The following PDE4D variants were observed in gnomAD, a reference collection of about 807,000 sequenced individuals.
The protein encoded by PDE4D is phosphodiesterase 4D.
Under a neutral mutation model 87.4 loss-of-function variants are expected in PDE4D, and 24 were observed. The observed-to-expected ratio is 0.27, with a 90% CI of 0.20 to 0.39. The LOEUF (loss-of-function observed/expected upper bound fraction) is 0.39. Ranked by LOEUF, PDE4D falls within the 10% of genes least tolerant of loss-of-function variation. The pLI, the probability that PDE4D is intolerant of heterozygous loss-of-function variation, is 1.00. For missense variants in PDE4D, 714 were observed against 1,041.0 expected (o/e 0.69, Z 4.32); for synonymous variants, 384 against 383.2 (o/e 1.00, Z -0.02).
intron 1 of PDE4D, among the ~76,000 whole-genome samples, chr5:59,455,649 G>T (rs1006563288): frequency 6.6e-6 from 1 of 152,216 alleles, no homozygotes; most frequent in African/African-American, 2.4e-5. Flanking sequence ...CCATCCTCCA[G>T]ATGCCAGAAT....
rs368305811 is a variant in PDE4D, at chr5:60,430,444, C to A, written c.-90+57498G>T. Among the ~76,000 whole-genome samples, 9 of 151,958 alleles carry A rather than the reference C, an allele frequency of 5.9e-5. No homozygotes were observed. The East Asian group carries it at 1.8e-3, about 30-fold the overall frequency. On this transcript the variant is annotated intron_variant, in intron 1 of 16. Transcript: ENST00000502484. Reference sequence around the variant, plus strand: ...GACCCTAGCTTTCCCTTCTGCCTCGCATGCCATTCCCCCAGATATCCTTCT... The same window carrying A: ...GACCCTAGCTTTCCCTTCTGCCTCGAATGCCATTCCCCCAGATATCCTTCT...
At chr5:60,075,363 T>G (rs1346022558) in intron 2 of PDE4D, among the ~76,000 whole-genome samples, 1 of 152,346 alleles carries the variant, frequency 6.6e-6, no homozygotes, top group East Asian at 1.9e-4. Flanking sequence ...TGGTAGAGTT[T>G]CCGCTGAGAG....
intron 1 of PDE4D, among the ~76,000 whole-genome samples, chr5:59,704,454 G>T (rs1580545129): frequency 6.6e-6 from 1 of 152,048 alleles, no homozygotes; most frequent in East Asian, 1.9e-4. Flanking sequence ...CTGTATCAGG[G>T]GACACCTTTG....
At chr5:59,923,815 C>T (rs577785787) in intron 3 of PDE4D, among the ~76,000 whole-genome samples, 23 of 152,304 alleles carry the variant, frequency 1.5e-4, no homozygotes, top group Non-Finnish European at 2.1e-4. Context: ...AACTCTTCAA[C>T]GCCCAGACAC....
At chr5:60,039,608 A>C (rs1477573329) in intron 2 of PDE4D, among the ~76,000 whole-genome samples, 3 of 151,934 alleles carry the variant, frequency 2.0e-5, no homozygotes, top group Admixed American at 6.6e-5. Context: ...AAAAAAATAA[A>C]AAAAATAAAA....
intron 1 of PDE4D, among the ~76,000 whole-genome samples, chr5:59,784,293 T>C (rs908893357): frequency 1.3e-5 from 2 of 151,768 alleles, no homozygotes; most frequent in Non-Finnish European, 2.9e-5. Flanking sequence ...TTTATGGATG[T>C]AAATAAAAGA....
chr5:59,658,214 T>C (rs1342819034), intron 1 of PDE4D, among the ~76,000 whole-genome samples: 1 of 152,146 alleles, frequency 6.6e-6, no homozygotes, highest in Admixed American at 6.5e-5. Context: ...AAAAGCATGA[T>C]AGTGATATTA....
chr5:59,357,473 G>A (rs776078010), intron 1 of PDE4D, among the ~76,000 whole-genome samples: 5 of 151,888 alleles, frequency 3.3e-5, no homozygotes, highest in South Asian at 2.1e-4. Context: ...AAATACCAGC[G>A]CCTCTCTAAA....
intron 1 of PDE4D, among the ~76,000 whole-genome samples, chr5:59,559,677 TA>T (rs1819610287): frequency 6.6e-6 from 1 of 152,128 alleles, no homozygotes; most frequent in Non-Finnish European, 1.5e-5. Flanking sequence ...AACATTTTGA[TA>T]AAATACACTT....
intron 1 of PDE4D, among the ~76,000 whole-genome samples, chr5:60,298,713 T>A (rs1753632471): frequency 6.6e-6 from 1 of 152,234 alleles, no homozygotes; most frequent in African/African-American, 2.4e-5. Flanking sequence ...CAATTATGTT[T>A]TCCTGTCAAT....
intron 1 of PDE4D, among the ~76,000 whole-genome samples, chr5:60,387,646 C>CT (rs1256218869): frequency 6.6e-6 from 1 of 152,146 alleles, no homozygotes; most frequent in Non-Finnish European, 1.5e-5. Flanking sequence ...AAACTTTGCC[C>CT]TTAAAGGTCT....
At chr5:60,516,574 T>C (rs1018720525) in intron 1 of PDE4D, among the ~76,000 whole-genome samples, 2 of 152,194 alleles carry the variant, frequency 1.3e-5, no homozygotes, top group Admixed American at 1.3e-4. Context: ...CACTTTACCC[T>C]GAGCTATGCC....
intron 2 of PDE4D, among the ~76,000 whole-genome samples, chr5:60,063,184 AAAAG>A (rs1348419983): frequency 6.6e-6 from 1 of 151,934 alleles, no homozygotes; most frequent in African/African-American, 2.4e-5. Flanking sequence ...AAGAGAAAGA[AAAAG>A]AAAGAAAGAA....
chr5:60,026,394 G>A (rs1386215668), intron 2 of PDE4D, among the ~76,000 whole-genome samples: 2 of 152,088 alleles, frequency 1.3e-5, no homozygotes, highest in Admixed American at 6.6e-5. Context: ...TTCCATTTAT[G>A]ATTCTGGCCT....
chr5:59,398,166 T>C (rs1482061345), intron 1 of PDE4D, among the ~76,000 whole-genome samples: 6 of 143,218 alleles, frequency 4.2e-5, no homozygotes, highest in Non-Finnish European at 6.1e-5. Flanking sequence ...GAGGAACTGG[T>C]ACCATTCCTT....
intron 3 of PDE4D, among the ~76,000 whole-genome samples, chr5:59,983,416 A>T (rs1762115989): frequency 6.6e-6 from 1 of 150,838 alleles, no homozygotes; most frequent in African/African-American, 2.5e-5. Context: ...AAGTAAACAT[A>T]AAGTAAAAAT....
chr5:59,035,141 T>TA (rs886760805), intron 6 of PDE4D, among the ~76,000 whole-genome samples: 9 of 152,236 alleles, frequency 5.9e-5, no homozygotes, highest in African/African-American at 1.2e-4. Context: ...ATGGTGAAAC[T>TA]ATTCTGCTTA....
intron 1 of PDE4D, among the ~76,000 whole-genome samples, chr5:59,665,676 A>C (rs188011689): frequency 3.0e-4 from 45 of 152,324 alleles, no homozygotes; most frequent in South Asian, 6.2e-4. Flanking sequence ...AAATGTTGAA[A>C]TCTAATCACC....
intron 2 of PDE4D, among the ~76,000 whole-genome samples, chr5:60,064,777 A>C (rs937301804): frequency 5.9e-5 from 9 of 152,146 alleles, no homozygotes; most frequent in Non-Finnish European, 1.0e-4. Flanking sequence ...GGGCCATTTC[A>C]AAACCCTTCA....
Sources: allele counts gnomAD v4.1 joint callset (sites outside exome capture counted in the v4.1 genomes callset), GRCh38; gene constraint gnomAD v4.1.1; transcripts MANE v1.5; gene names NCBI Gene and HGNC (gene_info 2026-07-23, HGNC 2026-07-21).